The following DPP8 variants were observed in gnomAD, a reference collection of about 807,000 sequenced individuals.
DPP8 encodes dipeptidyl peptidase 8.
A neutral mutation model predicts 107.5 loss-of-function variants in DPP8; 31 were observed. That is an observed-to-expected ratio of 0.29 (90% confidence interval 0.22 to 0.39). The LOEUF is 0.39. Among genes scored for constraint, DPP8 ranks in the 10% least tolerant of loss-of-function variants. The probability of loss-of-function intolerance (pLI) is 1.00; values close to 1 mark genes in which losing one functional copy is unlikely to be tolerated. For synonymous variants in DPP8, 381 were observed against 356.6 expected (o/e 1.07, Z -0.77); for missense variants, 842 against 1,076.1 (o/e 0.78, Z 3.04).
At chr15:65,485,249 A>C in intron 7 of DPP8, 89 bp from the exon 8 acceptor site, 2 of 1,022,234 alleles carry the variant, frequency 2.0e-6, no homozygotes, top group Non-Finnish European at 3.1e-6. Flanking sequence ...ACTTTAGTTA[A>C]GAATAACGTA....
chr15:65,515,571 T>A (rs770084040), intron 1 of DPP8: 4 of 1,172,020 alleles, frequency 3.4e-6, no homozygotes, highest in Non-Finnish European at 5.0e-6. Context: ...AATAGGAAAA[T>A]AGGGTCAGTG....
intron 2 of DPP8, 107 bp from the exon 3 acceptor site, chr15:65,507,462 C>G: frequency 4.9e-6 from 3 of 614,584 alleles, no homozygotes; most frequent in Admixed American, 3.1e-5. Flanking sequence ...ATTTTGCACT[C>G]TATGGGATAT....
intron 11 of DPP8, chr15:65,475,672 G>T: frequency 1.5e-6 from 1 of 646,742 alleles, no homozygotes. Flanking sequence ...AAAAGAAAAT[G>T]TTTAATACAA....
chr15:65,465,233 T>A (rs1438539962), intron 14 of DPP8, among the ~76,000 whole-genome samples: 1 of 150,698 alleles, frequency 6.6e-6, no homozygotes, highest in Non-Finnish European at 1.5e-5. Flanking sequence ...AGTGGTGTGA[T>A]CTTGGCTTAC....
chr15:65,466,564 G>C (rs1333833331), intron 14 of DPP8, 114 bp downstream of exon 14: 5 of 921,844 alleles, frequency 5.4e-6, no homozygotes, highest in Non-Finnish European at 6.9e-6. Context: ...CTCAGGGACA[G>C]GCAGTGGTGA....
At chr15:65,487,883 G>T in intron 6 of DPP8, 65 bp from the exon 7 acceptor site, 1 of 1,055,228 alleles carries the variant, frequency 9.5e-7, no homozygotes, top group Non-Finnish European at 1.4e-6. Context: ...ATAACCAACC[G>T]TTCCTTCTAG....
intron 7 of DPP8, among the ~76,000 whole-genome samples, chr15:65,486,130 G>A (rs1343115212): frequency 2.7e-5 from 4 of 147,936 alleles, no homozygotes; most frequent in African/African-American, 5.0e-5. Context: ...ACGGCCGGGC[G>A]CAGTGGCTCA....
At chr15:65,489,048 C>T (rs1199371852) in intron 6 of DPP8, among the ~76,000 whole-genome samples, 1 of 152,160 alleles carries the variant, frequency 6.6e-6, no homozygotes, top group Non-Finnish European at 1.5e-5. Flanking sequence ...GCAATCTCCA[C>T]CTCCCGGGTT....
intron 2 of DPP8, 76 bp downstream of exon 2, chr15:65,512,219 G>T: frequency 7.2e-7 from 1 of 1,384,270 alleles, no homozygotes; most frequent in Non-Finnish European, 9.9e-7. Context: ...TCAAACTTTT[G>T]AGTGTCAATT....
chr15:65,485,548 A>T (rs1384763689), intron 7 of DPP8, among the ~76,000 whole-genome samples: 3 of 133,508 alleles, frequency 2.2e-5, no homozygotes, highest in Non-Finnish European at 5.0e-5. Context: ...CCATCTCAAA[A>T]AAAAAAAAAA....
intron 3 of DPP8, among the ~76,000 whole-genome samples, 196 bp downstream of exon 3, chr15:65,507,047 T>C (rs2070119293): frequency 6.6e-6 from 1 of 152,120 alleles, no homozygotes; most frequent in African/African-American, 2.4e-5. Flanking sequence ...GAAAGCAGTT[T>C]AAAAAATTGA....
At chr15:65,500,898 G>C (rs1464705102) in intron 3 of DPP8, 119 bp from the exon 4 acceptor site, 7 of 669,962 alleles carry the variant, frequency 1.0e-5, no homozygotes, top group Non-Finnish European at 1.6e-5. Context: ...TTTTTTTTGA[G>C]ACAGAGTTTC....
intron 12 of DPP8, among the ~76,000 whole-genome samples, chr15:65,468,964 C>T (rs564549362): frequency 2.6e-5 from 4 of 152,170 alleles, no homozygotes; most frequent in African/African-American, 9.6e-5. Context: ...AGAGGTGGGC[C>T]TAAGAATGTG....
chr15:65,489,478 A>G (rs2067790390), intron 6 of DPP8, among the ~76,000 whole-genome samples: 1 of 128,064 alleles, frequency 7.8e-6, no homozygotes, highest in African/African-American at 3.0e-5. Context: ...CAGTGGCGTG[A>G]TCTTGGCTCA....
intron 5 of DPP8, among the ~76,000 whole-genome samples, chr15:65,497,204 T>TA (rs1357929735): frequency 6.6e-6 from 1 of 152,130 alleles, no homozygotes. Flanking sequence ...AGTAGTTTCT[T>TA]AGAGTGTGTA....
At chr15:65,474,682 C>A (rs545482882) in intron 11 of DPP8, among the ~76,000 whole-genome samples, 2 of 152,326 alleles carry the variant, frequency 1.3e-5, no homozygotes, top group South Asian at 4.1e-4. Flanking sequence ...ATATTGCCCA[C>A]GCTGGTCTTG....
At chr15:65,480,807 A>G (rs1305633098) in intron 9 of DPP8, among the ~76,000 whole-genome samples, 1 of 151,956 alleles carries the variant, frequency 6.6e-6, no homozygotes, top group Non-Finnish European at 1.5e-5. Flanking sequence ...CTATATAAAC[A>G]AAAGTTCTGC....
chr15:65,496,217 T>C (rs1231596342), intron 5 of DPP8, among the ~76,000 whole-genome samples: 1 of 152,086 alleles, frequency 6.6e-6, no homozygotes, highest in African/African-American at 2.4e-5. Context: ...TCTCTTGACC[T>C]CGTGATCTGC....
chr15:65,499,105 G>GTGTGTGTGTGTGTGTGTGTGTGTATA (rs1555468189), intron 4 of DPP8, among the ~76,000 whole-genome samples: 6 of 138,742 alleles, frequency 4.3e-5, no homozygotes, highest in African/African-American at 1.3e-4. Context: ...GTGTGTGTGT[G>GTGTGTGTGTGTGTGTGTGTGTGTATA]TATATATAAA....
Sources: gnomAD v4.1 joint callset for allele counts (sites outside exome capture counted in the v4.1 genomes callset) on GRCh38, gnomAD v4.1.1 for gene constraint, MANE v1.5 for transcripts, NCBI Gene and HGNC (gene_info 2026-07-23, HGNC 2026-07-21) for gene names.